The following MAEA variants were observed in gnomAD, a reference collection of about 807,000 sequenced individuals.
The protein encoded by MAEA is macrophage erythroblast attacher, E3 ubiquitin ligase, also known as E3 ubiquitin-protein transferase MAEA.
MAEA carries 22 observed loss-of-function variants against 46.2 expected under a neutral mutation model. The observed-to-expected ratio is 0.48, with a 90% CI of 0.34 to 0.68. The LOEUF (loss-of-function observed/expected upper bound fraction) is 0.68. Among genes scored for constraint, MAEA ranks in the 30% least tolerant of loss-of-function variants. MAEA has a pLI of 0.01. For synonymous variants in MAEA, 246 were observed against 222.6 expected, an observed-to-expected ratio of 1.11 and a Z score of -0.94; for missense variants, 393 against 558.1, an observed-to-expected ratio of 0.70 and a Z score of 2.98.
At chr4:1,338,938 C>T in intron 8 of MAEA, 136 bp from the exon 9 acceptor site, 1 of 749,894 alleles carries the variant, frequency 1.3e-6, no homozygotes, top group South Asian at 1.6e-5. Context: ...ATTTCTTTGG[C>T]AGGTGTGCCT....
chr4:1,323,389 G>C, intron 4 of MAEA: 1 of 667,534 alleles, frequency 1.5e-6, no homozygotes, highest in Non-Finnish European at 2.7e-6. Flanking sequence ...GCCTCCATTA[G>C]CAAAACTTTT....
intron 1 of MAEA, among the ~76,000 whole-genome samples, chr4:1,295,580 C>T (rs1734552353): frequency 6.6e-6 from 1 of 151,492 alleles, no homozygotes; most frequent in East Asian, 2.0e-4. Flanking sequence ...GCCTGTCACG[C>T]AGACCCTGCC....
At chr4:1,338,987 T>C in intron 8 of MAEA, 87 bp from the exon 9 acceptor site, 2 of 1,110,460 alleles carry the variant, frequency 1.8e-6, no homozygotes, top group Non-Finnish European at 2.7e-6. Flanking sequence ...AGTCATTCCC[T>C]GGTGGTTCAT....
chr4:1,334,702 C>T (rs575268803), intron 6 of MAEA: 262 of 190,028 alleles, frequency 1.4e-3, no homozygotes, highest in Non-Finnish European at 2.2e-3. Context: ...AACCGTGTCT[C>T]GTGGCAGGAA....
intron 5 of MAEA, among the ~76,000 whole-genome samples, chr4:1,328,449 C>G (rs1372816657): frequency 2.0e-5 from 3 of 152,250 alleles, no homozygotes; most frequent in African/African-American, 7.2e-5. Flanking sequence ...GCTAGGTCGT[C>G]TCACTCACTT....
intron 1 of MAEA, among the ~76,000 whole-genome samples, chr4:1,305,249 T>C (rs112605891): frequency 0.012 from 1,841 of 152,300 alleles, 33 homozygotes; most frequent in African/African-American, 0.042. Flanking sequence ...CATTGCCAGG[T>C]GTCCCCTGGG....
At position 1,315,703 on chromosome 4, in the gene MAEA, T is replaced by G; in HGVS notation, c.456+103T>G. 5 of 1,028,688 alleles carry G rather than the reference T, an allele frequency of 4.9e-6. No homozygotes were observed. In the South Asian group the frequency reaches 7.4e-5, roughly 15 times the overall value. The allele number at this position is 1,028,688 out of a possible 1,614,324, so 63.7% of individuals were successfully genotyped here. ...CGGCATGCCTGTGTCCCTACATGCT[T>G]GTGTTCCCCTCCCCCCACCCCCGTA... On this transcript the variant is annotated intron_variant, in intron 3 of 8. Coordinates refer to ENST00000303400, the MANE Select transcript of MAEA (RefSeq NM_001017405.3).
chr4:1,338,924 C>G (rs1178632369), intron 8 of MAEA, 150 bp from the exon 9 acceptor site: 2 of 713,592 alleles, frequency 2.8e-6, no homozygotes, highest in Admixed American at 2.2e-5. Context: ...GAGGTGGCCC[C>G]GGGATTTCTT....
intron 3 of MAEA, among the ~76,000 whole-genome samples, chr4:1,320,897 G>A (rs1577198896): frequency 6.6e-6 from 1 of 152,026 alleles, no homozygotes; most frequent in Non-Finnish European, 1.5e-5. Context: ...TCAGGAGATC[G>A]AGACCATCCT....
intron 1 of MAEA, among the ~76,000 whole-genome samples, chr4:1,294,758 C>A (rs896312077): frequency 3.9e-5 from 5 of 129,506 alleles, no homozygotes; most frequent in Admixed American, 8.8e-5. Flanking sequence ...TTTAAAGACG[C>A]TGATGAGGTT....
chr4:1,325,505 T>C (rs912573114), intron 4 of MAEA, among the ~76,000 whole-genome samples: 14 of 152,188 alleles, frequency 9.2e-5, no homozygotes, highest in African/African-American at 3.1e-4. Flanking sequence ...AAAGGTGTTA[T>C]TGAAAAGCAG....
intron 3 of MAEA, among the ~76,000 whole-genome samples, chr4:1,322,173 G>A (rs558836370): frequency 6.6e-6 from 1 of 152,152 alleles, no homozygotes; most frequent in South Asian, 2.1e-4. Context: ...GTGAGCGTCC[G>A]ACCTTTTGGT....
chr4:1,335,474 C>A (rs1179318950), intron 6 of MAEA: 1 of 985,180 alleles, frequency 1.0e-6, no homozygotes, highest in Non-Finnish European at 1.2e-6. Flanking sequence ...AGCACTGGCC[C>A]CACAGTGTGT....
chr4:1,290,808 A>G (rs921832889), intron 1 of MAEA, among the ~76,000 whole-genome samples: 9 of 152,204 alleles, frequency 5.9e-5, no homozygotes, highest in African/African-American at 1.9e-4. Flanking sequence ...AGGATGCAGT[A>G]TGGCCAGGTT....
At position 1,332,757 on chromosome 4, in the gene MAEA, A is replaced by G. The variant is rs1401406233; in HGVS notation, c.657A>G (p.Arg219=). The change falls in exon 6 of 9, where the codon AGA becomes AGG. Residue 219 remains arginine (R), a splice_region_variant and synonymous_variant. Transcript: ENST00000303400. The stretch of plus-strand genomic sequence containing the variant: ...AATGTGCCAAAATGTTGTTTTTTAG[A>G]CATGCAAGAAAGCACTTCAGCCAAG... ...IRQNKRLDAV[R]HARKHFSQAE... 1 of 1,608,392 alleles carries G rather than the reference A, an allele frequency of 6.2e-7. No homozygotes were observed. Among genetic ancestry groups the G allele is most frequent in the South Asian group, 1.1e-5 (1 of 90,614 alleles).
At chr4:1,319,532 G>A (rs772376586) in intron 3 of MAEA, among the ~76,000 whole-genome samples, 3 of 152,054 alleles carry the variant, frequency 2.0e-5, no homozygotes, top group Non-Finnish European at 4.4e-5. Flanking sequence ...ATCCAACTGG[G>A]TTCAGACCCC....
At chr4:1,294,746 C>T (rs1734460445) in intron 1 of MAEA, among the ~76,000 whole-genome samples, 1 of 144,510 alleles carries the variant, frequency 6.9e-6, no homozygotes, top group Admixed American at 7.3e-5. Context: ...CATCTCAGAT[C>T]CTTTAAAGAC....
At chr4:1,297,288 C>T (rs906084723) in intron 1 of MAEA, among the ~76,000 whole-genome samples, 7 of 152,190 alleles carry the variant, frequency 4.6e-5, no homozygotes, top group South Asian at 2.1e-4. Flanking sequence ...GCTGGGGCTG[C>T]GGCCTTCGCG....
At position 1,313,327 on chromosome 4, in the gene MAEA, C is replaced by A. The variant is rs542633655; in HGVS notation, c.252+1166C>A. ...AGAGACAGCCTGGGCAACAGTGAGA[C>A]CCTGTCTCAAGACACCACGATGGAC... On this transcript the variant is annotated intron_variant, in intron 2 of 8. Coordinates refer to ENST00000303400, the MANE Select transcript of MAEA (RefSeq NM_001017405.3). Among the ~76,000 whole-genome samples, 22 of 152,064 alleles carry A rather than the reference C, an allele frequency of 1.4e-4. 1 individual carries two copies. In the South Asian group the frequency reaches 4.6e-3, roughly 32 times the overall value.
Sources: gnomAD v4.1 joint callset for allele counts (sites outside exome capture counted in the v4.1 genomes callset) on GRCh38, gnomAD v4.1.1 for gene constraint, MANE v1.5 for transcripts, NCBI Gene and HGNC (gene_info 2026-07-23, HGNC 2026-07-21) for gene names.